GSK3B: variants seen among roughly 807,000 people sequenced by gnomAD.
The protein encoded by GSK3B is glycogen synthase kinase-3 beta.
GSK3B carries 15 observed loss-of-function variants against 56.4 expected under a neutral mutation model. The ratio of observed to expected loss-of-function variants is 0.27; its 90% CI spans 0.18 to 0.41. The LOEUF (loss-of-function observed/expected upper bound fraction) is 0.41. Ranked by LOEUF, GSK3B falls within the 10% of genes least tolerant of loss-of-function variation. The pLI, the probability that GSK3B is intolerant of heterozygous loss-of-function variation, is 1.00. For missense variants in GSK3B, 300 were observed against 513.4 expected (o/e 0.58, Z 4.02); for synonymous variants, 181 against 188.9 (o/e 0.96, Z 0.34).
intron 1 of GSK3B, among the ~76,000 whole-genome samples, chr3:120,072,301 T>C (rs2058333085): frequency 6.6e-6 from 1 of 152,180 alleles, no homozygotes; most frequent in Admixed American, 6.5e-5. Context: ...CTTACGCCTG[T>C]AATCCCAGCA....
chr3:120,089,636 A>C (rs1399755919), intron 1 of GSK3B, among the ~76,000 whole-genome samples: 1 of 152,210 alleles, frequency 6.6e-6, no homozygotes. Flanking sequence ...TAAGTGATAC[A>C]GACTTATTTT....
At chr3:119,952,487 C>CAAAAAAAAAA (rs59526500) in intron 2 of GSK3B, among the ~76,000 whole-genome samples, 1 of 96,232 alleles carries the variant, frequency 1.0e-5, no homozygotes, top group African/African-American at 4.0e-5. Context: ...GACTCTGTCT[C>CAAAAAAAAAA]AAAAAAAAAA....
intron 1 of GSK3B, among the ~76,000 whole-genome samples, chr3:120,075,416 GA>G (rs924133406): frequency 2.9e-3 from 428 of 150,088 alleles, no homozygotes; most frequent in African/African-American, 9.9e-3. Context: ...CAAGAAAAAG[GA>G]AAAAAAAAGT....
intron 4 of GSK3B, among the ~76,000 whole-genome samples, chr3:119,920,959 A>G (rs1273354774): frequency 3.3e-5 from 5 of 152,246 alleles, no homozygotes; most frequent in African/African-American, 1.2e-4. Flanking sequence ...CACCTCTAGC[A>G]TCCAGACTGT....
chr3:119,868,107 T>TAAG (rs948608616), intron 8 of GSK3B, among the ~76,000 whole-genome samples: 14 of 123,270 alleles, frequency 1.1e-4, no homozygotes, highest in Non-Finnish European at 7.2e-5. Flanking sequence ...AAGCAAAAAA[T>TAAG]AAGAAGAAGA....
intron 2 of GSK3B, among the ~76,000 whole-genome samples, chr3:119,991,510 CAAAA>C (rs61063108): frequency 3.8e-5 from 3 of 78,938 alleles, no homozygotes; most frequent in Non-Finnish European, 5.2e-5. Context: ...TACTATTCAC[CAAAA>C]AAAAAAAAAA....
chr3:120,062,837 C>A (rs2058249093), intron 1 of GSK3B, among the ~76,000 whole-genome samples: 1 of 152,132 alleles, frequency 6.6e-6, no homozygotes. Context: ...TTCTCAATTT[C>A]TTTCGAAACA....
At position 119,822,785 on chromosome 3, in the gene GSK3B, G is replaced by A; in HGVS notation, c.*4003C>T. ...AGATGATCACTAACATGAACAGTAGGAATCAGATACAATTTCAGTTGAAAA... is the reference window on the plus strand; with the variant it reads ...AGATGATCACTAACATGAACAGTAGAAATCAGATACAATTTCAGTTGAAAA... On this transcript the variant is annotated 3_prime_UTR_variant, in exon 11 of 11. Transcript: ENST00000264235. The A allele has an allele frequency of 4.4e-6, 1 of 228,650 alleles. No homozygotes were observed. Among genetic ancestry groups the A allele is most frequent in the East Asian group, 6.3e-5 (1 of 15,928 alleles). The allele number at this position is 228,650 out of a possible 1,614,324, so 14.2% of individuals were successfully genotyped here. A position where few individuals can be genotyped will look rare whatever the true frequency, so the allele number is the denominator to read the frequency against.
chr3:119,848,411 C>G (rs2108016817), intron 9 of GSK3B, among the ~76,000 whole-genome samples: 1 of 150,802 alleles, frequency 6.6e-6, no homozygotes, highest in Admixed American at 6.6e-5. Flanking sequence ...TTAAAAAGTT[C>G]AAGAAAAGCT....
At chr3:119,882,617 T>C (rs1245302669) in intron 7 of GSK3B, among the ~76,000 whole-genome samples, 1 of 152,210 alleles carries the variant, frequency 6.6e-6, no homozygotes, top group East Asian at 1.9e-4. Flanking sequence ...ACTTTTTATG[T>C]AAGTATGTTT....
At chr3:119,876,655 A>C in intron 7 of GSK3B, 147 bp from the exon 8 acceptor site, 1 of 611,958 alleles carries the variant, frequency 1.6e-6, no homozygotes, top group Non-Finnish European at 2.9e-6. Flanking sequence ...CCATGATTTG[A>C]ATATGTCCCC....
chr3:119,834,796 C>G (rs2055664494), intron 10 of GSK3B, among the ~76,000 whole-genome samples: 1 of 152,084 alleles, frequency 6.6e-6, no homozygotes, highest in African/African-American at 2.4e-5. Flanking sequence ...TTTTAAATTA[C>G]TTTTAGAGGA....
In GSK3B at chr3:119,869,398, T is replaced by C. The variant is rs144415302; in HGVS notation, c.910-5793A>G. Among the ~76,000 whole-genome samples, 189 of 152,212 alleles carry C rather than the reference T, an allele frequency of 1.2e-3. 6 individuals carry two copies. In the East Asian group the frequency reaches 0.019, roughly 16 times the overall value. ...TTCAGAGTCCTCCTCCCAAGTAAAA[T>C]TGCTATCTATGAAGTTGGCATCTAA... On this transcript the variant is annotated intron_variant, in intron 8 of 10. Coordinates refer to ENST00000264235, the MANE Select transcript of GSK3B (RefSeq NM_001146156.2).
chr3:120,058,295 T>C (rs1032135506), intron 1 of GSK3B, among the ~76,000 whole-genome samples: 2 of 152,164 alleles, frequency 1.3e-5, no homozygotes, highest in Non-Finnish European at 2.9e-5. Context: ...ATAATATAAA[T>C]CATACCATTT....
intron 2 of GSK3B, among the ~76,000 whole-genome samples, chr3:119,951,312 C>G (rs945095968): frequency 6.6e-6 from 1 of 152,244 alleles, no homozygotes; most frequent in African/African-American, 2.4e-5. Flanking sequence ...TGGCTCACGC[C>G]TGTAATCCCA....
At chr3:120,088,987 C>CT (rs1379327587) in intron 1 of GSK3B, among the ~76,000 whole-genome samples, 2 of 152,246 alleles carry the variant, frequency 1.3e-5, no homozygotes, top group Non-Finnish European at 2.9e-5. Flanking sequence ...CTCTCCCACT[C>CT]TTTAGACTCT....
chr3:119,946,231 C>T (rs1342261084), intron 3 of GSK3B, among the ~76,000 whole-genome samples: 2 of 151,982 alleles, frequency 1.3e-5, no homozygotes, highest in Non-Finnish European at 2.9e-5. Context: ...GGGCTTAATA[C>T]ATTGACATCT....
chr3:120,017,244 A>G (rs142224034), intron 1 of GSK3B, among the ~76,000 whole-genome samples: 1 of 152,322 alleles, frequency 6.6e-6, no homozygotes, highest in African/African-American at 2.4e-5. Flanking sequence ...TAAAAATACA[A>G]TTACTCACTC....
chr3:119,925,929 C>A (rs1444376668), intron 3 of GSK3B, among the ~76,000 whole-genome samples: 1 of 152,188 alleles, frequency 6.6e-6, no homozygotes, highest in Non-Finnish European at 1.5e-5. Context: ...TTTGACTTGG[C>A]ACTACCATTT....
Sources: allele counts gnomAD v4.1 joint callset (sites outside exome capture counted in the v4.1 genomes callset), GRCh38; gene constraint gnomAD v4.1.1; transcripts MANE v1.5; gene names NCBI Gene and HGNC (gene_info 2026-07-23, HGNC 2026-07-21).